Variants in GTF2B observed in about 807,000 individuals in gnomAD.
The protein encoded by GTF2B is transcription initiation factor IIB.
Under a neutral mutation model 34.6 loss-of-function variants are expected in GTF2B, and 20 were observed. The ratio of observed to expected loss-of-function variants is 0.58; its 90% confidence interval spans 0.41 to 0.84. GTF2B has a LOEUF of 0.84. Among genes scored for constraint, GTF2B ranks in the 40% least tolerant of loss-of-function variants. The pLI is 0.00. For synonymous variants in GTF2B, 142 were observed against 132.4 expected (o/e 1.07, Z -0.50); for missense variants, 237 against 393.3 (o/e 0.60, Z 3.36).
At chr1:88,874,699 C>A (rs1673780205) in intron 2 of GTF2B, among the ~76,000 whole-genome samples, 1 of 151,904 alleles carries the variant, frequency 6.6e-6, no homozygotes, top group Non-Finnish European at 1.5e-5. Context: ...TCAATTCTTT[C>A]TGCTGTCTTC....
chr1:88,872,486 A>G (rs35177720), intron 2 of GTF2B, among the ~76,000 whole-genome samples: 1 of 149,070 alleles, frequency 6.7e-6, no homozygotes, highest in South Asian at 2.1e-4. Flanking sequence ...AAAAAAAGAA[A>G]GTAACCTTTT....
At chr1:88,870,724 C>G (rs193052368) in intron 2 of GTF2B, among the ~76,000 whole-genome samples, 3 of 152,174 alleles carry the variant, frequency 2.0e-5, no homozygotes, top group African/African-American at 7.2e-5. Context: ...AAGCACTAGT[C>G]AAAACTTTCA....
chr1:88,872,389 T>C (rs190231080), intron 2 of GTF2B, among the ~76,000 whole-genome samples: 17 of 139,630 alleles, frequency 1.2e-4, no homozygotes, highest in Middle Eastern at 3.8e-3. Flanking sequence ...GAGGTGCAGA[T>C]TGCAGTAAGC....
At position 88,888,255 on chromosome 1, in the gene GTF2B, G is replaced by T. The variant is rs115821954; in HGVS notation, c.18-888C>A. Reference sequence around the variant, plus strand: ...TTATAGTATGTAAATAGTATTTGTGGTTTGGGGTAAAGTTTCTCATGCTAG... The same window carrying T: ...TTATAGTATGTAAATAGTATTTGTGTTTTGGGGTAAAGTTTCTCATGCTAG... On this transcript the variant is annotated intron_variant, in intron 1 of 6. Transcript: ENST00000370500. Among the ~76,000 whole-genome samples the T allele has an allele frequency of 6.3e-3, 964 of 152,280 alleles. 13 individuals are homozygous for T. Among genetic ancestry groups the T allele is most frequent in the African/African-American group, 0.022 (911 of 41,554 alleles).
chr1:88,874,418 TCTCCC>T (rs1464116192), intron 2 of GTF2B, among the ~76,000 whole-genome samples: 2 of 150,860 alleles, frequency 1.3e-5, no homozygotes, highest in Non-Finnish European at 3.0e-5. Context: ...CTCAAACAAT[TCTCCC>T]TAGCTACTTG....
intron 1 of GTF2B, 40 bp downstream of exon 1, chr1:88,891,443 C>G: frequency 6.4e-7 from 1 of 1,571,360 alleles, no homozygotes; most frequent in Non-Finnish European, 8.7e-7. Flanking sequence ...GGCGCTCGCG[C>G]CCGCCCCTCA....
intron 5 of GTF2B, among the ~76,000 whole-genome samples, chr1:88,857,826 C>T (rs1201557532): frequency 2.0e-5 from 3 of 151,684 alleles, no homozygotes; most frequent in Non-Finnish European, 2.9e-5. Flanking sequence ...GGACTACAGG[C>T]GTGCACCACC....
chr1:88,889,071 C>T (rs985360504), intron 1 of GTF2B, among the ~76,000 whole-genome samples: 8 of 152,076 alleles, frequency 5.3e-5, no homozygotes, highest in Non-Finnish European at 1.0e-4. Flanking sequence ...TAAATTAGGT[C>T]ACTTTCGTGG....
intron 1 of GTF2B, among the ~76,000 whole-genome samples, chr1:88,888,971 T>C (rs1432937286): frequency 6.6e-6 from 1 of 152,338 alleles, no homozygotes; most frequent in East Asian, 1.9e-4. Context: ...AGGAGCTATA[T>C]GTATGTGCTC....
chr1:88,884,812 G>A (rs888867907), intron 2 of GTF2B, among the ~76,000 whole-genome samples: 2 of 152,184 alleles, frequency 1.3e-5, no homozygotes, highest in Non-Finnish European at 2.9e-5. Flanking sequence ...TAAACACAAT[G>A]TTTTGCCATC....
intron 5 of GTF2B, among the ~76,000 whole-genome samples, chr1:88,859,012 C>A (rs777333716): frequency 4.6e-5 from 7 of 151,826 alleles, no homozygotes; most frequent in Non-Finnish European, 1.0e-4. Flanking sequence ...GGACTACAGG[C>A]GCGCACCACC....
intron 2 of GTF2B, among the ~76,000 whole-genome samples, chr1:88,871,278 G>T (rs1197406923): frequency 6.6e-6 from 1 of 152,120 alleles, no homozygotes; most frequent in African/African-American, 2.4e-5. Context: ...TACATGTTAG[G>T]ATAAATCAAG....
chr1:88,860,090 T>C (rs1444752698), intron 4 of GTF2B, 50 bp downstream of exon 4: 6 of 1,610,908 alleles, frequency 3.7e-6, no homozygotes, highest in African/African-American at 1.3e-5. Context: ...TTCATTAAAT[T>C]ATGCAAAGTC....
chr1:88,865,492 C>A (rs546066311), intron 2 of GTF2B, among the ~76,000 whole-genome samples: 2 of 152,292 alleles, frequency 1.3e-5, no homozygotes, highest in African/African-American at 4.8e-5. Context: ...GAGGCCGAGG[C>A]AGGCGGATCA....
At chr1:88,887,575 T>C in intron 1 of GTF2B, 1 of 479,284 alleles carries the variant, frequency 2.1e-6, no homozygotes, top group Middle Eastern at 6.2e-4. Flanking sequence ...CCACTGGAAT[T>C]CTTATTTTAT....
chr1:88,864,395 G>A (rs995320512), intron 2 of GTF2B, among the ~76,000 whole-genome samples: 14 of 152,192 alleles, frequency 9.2e-5, no homozygotes, highest in Non-Finnish European at 1.5e-5. Flanking sequence ...CATATGTGAT[G>A]CAAAGGTAAA....
rs1188620872 is a variant in GTF2B at position 88,864,026 on chromosome 1, C to G, written c.213G>C (p.Gln71His). 3 of 1,613,792 alleles carry G rather than the reference C, an allele frequency of 1.9e-6. No homozygotes were observed. Reference protein sequence around the residue: ...TKDPSRVGDSQNPLLSDGDLS... With the variant: ...TKDPSRVGDSHNPLLSDGDLS... ...AATCTCCATCACTCAGAAGAGGATT[C>G]TGAGAATCTCCAACTCGAGATGGAT... Residue 71 changes from glutamine (Q) to histidine (H), a missense_variant, in exon 3 of 7, where the codon CAG (glutamine) becomes CAC (histidine). By Grantham distance (24) the Gln-to-His change is conservative (BLOSUM62 0). Around this residue, in one of 3 missense-constraint regions of GTF2B, gnomAD observed 130 missense variants for 170.9 expected, o/e 0.76. Transcript: ENST00000370500.
intron 6 of GTF2B, among the ~76,000 whole-genome samples, 160 bp from the exon 7 acceptor site, chr1:88,853,506 G>A (rs1673235675): frequency 6.6e-6 from 1 of 152,136 alleles, no homozygotes; most frequent in Admixed American, 6.5e-5. Context: ...ATACTAAAAG[G>A]TAGAAAGCGG....
chr1:88,882,840 T>C (rs1673980981), intron 2 of GTF2B, among the ~76,000 whole-genome samples: 1 of 152,248 alleles, frequency 6.6e-6, no homozygotes, highest in South Asian at 2.1e-4. Context: ...AATGGCCTTT[T>C]AACATACTGT....
Sources: allele counts gnomAD v4.1 joint callset (sites outside exome capture counted in the v4.1 genomes callset), GRCh38; gene constraint gnomAD v4.1.1; regional missense constraint gnomAD v4.1.1; transcripts MANE v1.5; gene names NCBI Gene and HGNC (gene_info 2026-07-23, HGNC 2026-07-21).